Variants in ERG observed in about 807,000 individuals in gnomAD.
ERG encodes the protein ETS transcription factor ERG, also known as transcriptional regulator ERG.
ERG carries 9 observed loss-of-function variants against 55.3 expected under a neutral mutation model. That is an observed-to-expected ratio of 0.16 (90% CI 0.10 to 0.28). The LOEUF (loss-of-function observed/expected upper bound fraction) is 0.28. ERG is among the 10% of genes least tolerant of loss of function. The pLI is 1.00. For synonymous variants in ERG, 223 were observed against 237.3 expected, an observed-to-expected ratio of 0.94 and a Z score of 0.55; for missense variants, 434 against 631.6, an observed-to-expected ratio of 0.69 and a Z score of 3.35.
At chr21:38,471,695 C>T (rs1487207602) in intron 1 of ERG, 1 of 152,162 alleles carries the variant, frequency 6.6e-6, no homozygotes, top group Non-Finnish European at 1.5e-5. Flanking sequence ...AATTTTGTTT[C>T]ATTTCCTCTT....
intron 1 of ERG, among the ~76,000 whole-genome samples, chr21:38,621,701 C>A (rs981737789): frequency 6.6e-6 from 1 of 152,166 alleles, no homozygotes; most frequent in East Asian, 1.9e-4. Flanking sequence ...CAGATCCCCC[C>A]AGAAAGGAGG....
At chr21:38,479,608 C>A (rs796180259) in intron 1 of ERG, among the ~76,000 whole-genome samples, 6 of 152,170 alleles carry the variant, frequency 3.9e-5, no homozygotes, top group African/African-American at 1.4e-4. Context: ...GATGCATCTA[C>A]AGCAGTCTCC....
chr21:38,570,880 G>A (rs1308584565), intron 2 of ERG, among the ~76,000 whole-genome samples: 1 of 152,004 alleles, frequency 6.6e-6, no homozygotes, highest in South Asian at 2.1e-4. Context: ...TCATTCCATC[G>A]GCTCCAAAAT....
chr21:38,433,296 A>T (rs896093953), intron 2 of ERG, among the ~76,000 whole-genome samples: 1 of 152,168 alleles, frequency 6.6e-6, no homozygotes, highest in African/African-American at 2.4e-5. Flanking sequence ...GCCCAAAAAG[A>T]TGGAGGTGAG....
chr21:38,464,730 G>A (rs771437712), intron 1 of ERG, among the ~76,000 whole-genome samples: 7 of 151,598 alleles, frequency 4.6e-5, no homozygotes, highest in Non-Finnish European at 1.0e-4. Flanking sequence ...CCTACCCCCC[G>A]AGAGGCCCTG....
At chr21:38,581,518 G>T (rs1333415731) in intron 1 of ERG, among the ~76,000 whole-genome samples, 1 of 152,106 alleles carries the variant, frequency 6.6e-6, no homozygotes, top group Non-Finnish European at 1.5e-5. Flanking sequence ...TCAGGATGGG[G>T]GCTAATTGCA....
At chr21:38,474,394 C>CT in intron 1 of ERG, among the ~76,000 whole-genome samples, 1 of 152,334 alleles carries the variant, frequency 6.6e-6, no homozygotes, top group Admixed American at 6.5e-5. Flanking sequence ...ACATGATCTC[C>CT]TTGTCTCATG....
intron 1 of ERG, among the ~76,000 whole-genome samples, chr21:38,628,347 G>A (rs2060337716): frequency 6.6e-6 from 1 of 151,958 alleles, no homozygotes; most frequent in African/African-American, 2.4e-5. Context: ...GTCATAAAAG[G>A]GTCACACAAG....
At chr21:38,583,129 C>T (rs977428735) in intron 1 of ERG, among the ~76,000 whole-genome samples, 5 of 152,306 alleles carry the variant, frequency 3.3e-5, no homozygotes, top group South Asian at 2.1e-4. Flanking sequence ...AAGCATTGGT[C>T]GCTGGGTGCA....
intron 2 of ERG, among the ~76,000 whole-genome samples, chr21:38,526,392 T>C (rs1476040370): frequency 6.6e-6 from 1 of 152,194 alleles, no homozygotes; most frequent in Admixed American, 6.5e-5. Flanking sequence ...TCTGAAGTAG[T>C]AACAACTGGA....
At chr21:38,491,665 G>A (rs752255378) in intron 1 of ERG, among the ~76,000 whole-genome samples, 11 of 152,154 alleles carry the variant, frequency 7.2e-5, no homozygotes, top group South Asian at 2.1e-4. Context: ...GCAGATTACC[G>A]TTCTTCCCAG....
chr21:38,430,159 C>T (rs549072560), intron 2 of ERG, among the ~76,000 whole-genome samples: 1 of 152,068 alleles, frequency 6.6e-6, no homozygotes, highest in Admixed American at 6.5e-5. Context: ...TTGCATTTCC[C>T]TGATAACAAG....
chr21:38,627,629 A>G (rs2060332709), intron 1 of ERG, among the ~76,000 whole-genome samples: 1 of 152,244 alleles, frequency 6.6e-6, no homozygotes, highest in Non-Finnish European at 1.5e-5. Flanking sequence ...CCGTAGAAGC[A>G]TGCAAGGCTT....
downstream of ERG, among the ~76,000 whole-genome samples, chr21:38,379,503 T>A (rs1330762154): frequency 7.5e-6 from 1 of 132,932 alleles, no homozygotes; most frequent in African/African-American, 3.1e-5. Flanking sequence ...GAAAAAACCA[T>A]TTTTTTTTTC....
chr21:38,613,025 TACTA>T (rs201236421), intron 1 of ERG, among the ~76,000 whole-genome samples: 2,113 of 152,298 alleles, frequency 0.014, 52 homozygotes, highest in African/African-American at 0.048. Context: ...AGATGTATAT[TACTA>T]ACAGGCGGGG....
intron 3 of ERG, among the ~76,000 whole-genome samples, chr21:38,418,270 A>AGTGTGT (rs71184622): frequency 0.15 from 19,604 of 130,202 alleles, 1,451 homozygotes; most frequent in South Asian, 0.2. Context: ...AACATTTGGA[A>AGTGTGT]GTGTGTGTGT....
At chr21:38,525,458 A>G (rs2059623388) in intron 2 of ERG, among the ~76,000 whole-genome samples, 1 of 152,154 alleles carries the variant, frequency 6.6e-6, no homozygotes, top group African/African-American at 2.4e-5. Flanking sequence ...CATCTCTTCC[A>G]GATGCTCTCA....
chr21:38,648,307 G>T (rs1391687881), intron 1 of ERG, among the ~76,000 whole-genome samples: 2 of 152,158 alleles, frequency 1.3e-5, no homozygotes, highest in Non-Finnish European at 2.9e-5. Flanking sequence ...TATTTCAAAT[G>T]GGGCCGCGAT....
intron 2 of ERG, among the ~76,000 whole-genome samples, chr21:38,548,080 C>A (rs531898791): frequency 6.6e-6 from 1 of 152,218 alleles, no homozygotes; most frequent in South Asian, 2.1e-4. Context: ...ATTTCATTCT[C>A]TTTAATTTCT....
Sources: gnomAD v4.1 joint callset for allele counts (sites outside exome capture counted in the v4.1 genomes callset) on GRCh38, gnomAD v4.1.1 for gene constraint, MANE v1.5 for transcripts, NCBI Gene and HGNC (gene_info 2026-07-23, HGNC 2026-07-21) for gene names.